The following EYA2 variants were observed in gnomAD, a reference collection of about 807,000 sequenced individuals.
EYA2 encodes the protein EYA transcriptional coactivator and phosphatase 2.
In EYA2, 31 loss-of-function variants were observed where a neutral mutation model predicts 69.2. The observed-to-expected ratio is 0.45, with a 90% CI of 0.34 to 0.60. The LOEUF is 0.60. Among genes scored for constraint, EYA2 ranks in the 20% least tolerant of loss-of-function variants. The pLI is 0.02. For missense variants in EYA2, 622 were observed against 701.2 expected, an observed-to-expected ratio of 0.89 and a Z score of 1.28; for synonymous variants, 257 against 279.4, an observed-to-expected ratio of 0.92 and a Z score of 0.80.
intron 5 of EYA2, among the ~76,000 whole-genome samples, chr20:47,022,030 C>T (rs894453447): frequency 1.3e-5 from 2 of 152,164 alleles, no homozygotes; most frequent in African/African-American, 4.8e-5. Context: ...ATACCAAATA[C>T]GTTTAGTCAA....
At chr20:47,002,127 T>C (rs1982421110) in intron 3 of EYA2, among the ~76,000 whole-genome samples, 1 of 151,672 alleles carries the variant, frequency 6.6e-6, no homozygotes, top group Non-Finnish European at 1.5e-5. Context: ...CCTTCCTCTC[T>C]TCCCTCCCCT....
chr20:46,978,413 G>A (rs760634040), intron 1 of EYA2: 11 of 358,436 alleles, frequency 3.1e-5, no homozygotes, highest in South Asian at 8.7e-5. Context: ...AAATCCTGCC[G>A]GAACTGAGGC....
chr20:47,109,800 T>TAAAA (rs1405581007), intron 9 of EYA2, among the ~76,000 whole-genome samples: 1 of 152,150 alleles, frequency 6.6e-6, no homozygotes, highest in East Asian at 1.9e-4. Flanking sequence ...TTCCCCATTT[T>TAAAA]TGGGGAATGG....
intron 1 of EYA2, among the ~76,000 whole-genome samples, chr20:46,981,673 G>T (rs1040622806): frequency 2.0e-5 from 3 of 152,008 alleles, no homozygotes; most frequent in African/African-American, 7.2e-5. Context: ...TATATTGGTG[G>T]ATTATTTTAT....
rs188650774 is a variant in EYA2, at chr20:47,128,338, T to G, written c.889-14721T>G. ...TTTCCCACCCTGTGGGCTCTCCTTT[T>G]GTCCCCTCCAAAGACCAGCATTGCA... On this transcript the variant is annotated intron_variant, in intron 9 of 15. Coordinates refer to ENST00000327619, the MANE Select transcript of EYA2 (RefSeq NM_005244.5). 1.9e-3 allele frequency among the ~76,000 whole-genome samples: 297 copies of G among 152,332 alleles called. 2 individuals carry two copies. Among genetic ancestry groups the G allele is most frequent in the Middle Eastern group, 0.01 (3 of 294 alleles).
intron 2 of EYA2, among the ~76,000 whole-genome samples, chr20:46,991,387 G>T (rs970648): frequency 6.6e-6 from 1 of 152,150 alleles, no homozygotes; most frequent in African/African-American, 2.4e-5. Flanking sequence ...GCATAATGGC[G>T]TACTTCATAG....
At chr20:46,918,466 GC>G (rs1323029318) in intron 1 of EYA2, among the ~76,000 whole-genome samples, 3 of 151,906 alleles carry the variant, frequency 2.0e-5, no homozygotes, top group African/African-American at 7.2e-5. Flanking sequence ...ATGTCACCAC[GC>G]CCGGCTATTT....
chr20:47,052,504 T>C (rs1326294398), intron 5 of EYA2, among the ~76,000 whole-genome samples: 1 of 152,250 alleles, frequency 6.6e-6, no homozygotes, highest in Admixed American at 6.5e-5. Context: ...AGCCGACCTT[T>C]GTTACTAAGG....
intron 9 of EYA2, among the ~76,000 whole-genome samples, chr20:47,136,554 G>A (rs2033479032): frequency 6.6e-6 from 1 of 151,686 alleles, no homozygotes; most frequent in Non-Finnish European, 1.5e-5. Flanking sequence ...GATTACCCTG[G>A]GCCACATAGC....
rs112528744 is a variant in EYA2, at chr20:47,150,004, G to A, written c.978+6856G>A. Among the ~76,000 whole-genome samples, 344 of 152,374 alleles carry A rather than the reference G, an allele frequency of 2.3e-3. 1 individual carries two copies. The highest frequency in any genetic ancestry group is 7.8e-3 in the African/African-American group (326 of 41,584). ...GGGTGTCCTCTGGAAGCCAGGAGGTGTGCCTGAGTGAGGTGCTGTCCCTGA... is the reference window on the plus strand; with the variant it reads ...GGGTGTCCTCTGGAAGCCAGGAGGTATGCCTGAGTGAGGTGCTGTCCCTGA... On this transcript the variant is annotated intron_variant, in intron 10 of 15. Transcript: ENST00000327619.
intron 1 of EYA2, among the ~76,000 whole-genome samples, chr20:46,933,157 G>A (rs1288837442): frequency 1.3e-5 from 2 of 152,222 alleles, no homozygotes; most frequent in Non-Finnish European, 2.9e-5. Context: ...CCTATAGGTG[G>A]AATACTAATG....
At chr20:47,126,846 G>A (rs968329510) in intron 9 of EYA2, among the ~76,000 whole-genome samples, 2 of 152,098 alleles carry the variant, frequency 1.3e-5, no homozygotes, top group Admixed American at 6.5e-5. Flanking sequence ...TAGAGGCCAC[G>A]GATGCTGCTC....
chr20:46,925,021 T>C (rs981747903), intron 1 of EYA2, among the ~76,000 whole-genome samples: 5 of 152,214 alleles, frequency 3.3e-5, no homozygotes, highest in Non-Finnish European at 4.4e-5. Context: ...CTCCTGGCTT[T>C]GGTGGTGGCC....
chr20:47,180,919 A>G lies in EYA2; in HGVS notation c.1418A>G (p.Tyr473Cys). The G allele has an allele frequency of 6.2e-7, 1 of 1,614,164 alleles. No individual in the cohort carries two copies. The highest frequency in any genetic ancestry group is 8.5e-7 in the Non-Finnish European group (1 of 1,180,024). ...TCTGTGTTTCCTATTGAGAACATCT[A>G]CAGTGCAACCAAGACAGGTAGGGAG... ...LGSVFPIENI[Y>C]SATKTGKESC... Residue 473 changes from tyrosine (Y) to cysteine (C), a missense_variant, in exon 14 of 16, where the codon TAC becomes TGC. Physicochemically the swap from Tyr to Cys is radical, Grantham distance 194 (BLOSUM62 -2). Around this residue, in one of 2 missense-constraint regions of EYA2, gnomAD observed 257 missense variants for 351.5 expected, o/e 0.73. Transcript: ENST00000327619.
rs6018180 is a variant in EYA2, at chr20:46,924,726, A to T, written c.-11+29739A>T. ...GTGGGTAATTCCTTTCCTCTAAGGCAGTAACCAGAATAAACCCTTCTCTAT... is the reference window on the plus strand; with the variant it reads ...GTGGGTAATTCCTTTCCTCTAAGGCTGTAACCAGAATAAACCCTTCTCTAT... On this transcript the variant is annotated intron_variant, in intron 1 of 15. Coordinates refer to ENST00000327619, the MANE Select transcript of EYA2 (RefSeq NM_005244.5). Among the ~76,000 whole-genome samples the T allele has an allele frequency of 5.6e-3, 839 of 151,030 alleles. 14 individuals carry two copies. Among genetic ancestry groups the T allele is most frequent in the African/African-American group, 0.019 (779 of 40,970 alleles).
intron 1 of EYA2, among the ~76,000 whole-genome samples, chr20:46,945,231 G>T (rs1240644156): frequency 6.6e-6 from 1 of 152,184 alleles, no homozygotes; most frequent in Non-Finnish European, 1.5e-5. Context: ...TATAATACCT[G>T]CATAGCAGAG....
chr20:47,140,438 CT>C (rs200101721), intron 9 of EYA2, among the ~76,000 whole-genome samples: 2 of 150,358 alleles, frequency 1.3e-5, no homozygotes, highest in African/African-American at 4.9e-5. Context: ...TTTTTTCTTT[CT>C]TTTTTTTTAA....
chr20:46,991,027 A>T (rs748423281), intron 2 of EYA2, among the ~76,000 whole-genome samples: 3 of 152,218 alleles, frequency 2.0e-5, no homozygotes, highest in Non-Finnish European at 2.9e-5. Flanking sequence ...TGCGCTGATG[A>T]AAGTACCACC....
chr20:46,942,067 T>C (rs1986177629), intron 1 of EYA2, among the ~76,000 whole-genome samples: 1 of 152,154 alleles, frequency 6.6e-6, no homozygotes, highest in Non-Finnish European at 1.5e-5. Flanking sequence ...TAGACGTGGG[T>C]TCTGAATTTT....
Sources: gnomAD v4.1 joint callset for allele counts (sites outside exome capture counted in the v4.1 genomes callset) on GRCh38, gnomAD v4.1.1 for gene constraint, gnomAD v4.1.1 regional missense constraint, MANE v1.5 for transcripts, NCBI Gene and HGNC (gene_info 2026-07-23, HGNC 2026-07-21) for gene names.